The following PCCA variants were observed in gnomAD, a reference collection of about 807,000 sequenced individuals.
PCCA encodes propionyl-CoA carboxylase subunit alpha, also known as propionyl-CoA carboxylase alpha chain, mitochondrial.
PCCA carries 74 observed loss-of-function variants against 101.3 expected under a neutral mutation model. That is an observed-to-expected ratio of 0.73 (90% CI 0.61 to 0.89). PCCA has a LOEUF of 0.89. PCCA is among the 40% of genes least tolerant of loss of function. PCCA has a pLI of 0.00. For missense variants in PCCA, 891 were observed against 907.0 expected (o/e 0.98, Z 0.23); for synonymous variants, 294 against 313.6 (o/e 0.94, Z 0.66).
chr13:100,440,835 TGAAAG>T (rs1004843236), intron 20 of PCCA, among the ~76,000 whole-genome samples: 1 of 152,134 alleles, frequency 6.6e-6, no homozygotes, highest in Admixed American at 6.6e-5. Flanking sequence ...AAGTAGGAAA[TGAAAG>T]AGTAATTATT....
chr13:100,134,331 C>T (rs1057084065), intron 4 of PCCA, among the ~76,000 whole-genome samples: 4 of 152,066 alleles, frequency 2.6e-5, no homozygotes, highest in African/African-American at 7.2e-5. Context: ...TTCTTTTTCT[C>T]CCCCCATTTT....
intron 6 of PCCA, among the ~76,000 whole-genome samples, chr13:100,186,462 G>T (rs1566660862): frequency 6.6e-6 from 1 of 152,072 alleles, no homozygotes; most frequent in Non-Finnish European, 1.5e-5. Context: ...CAAAATAGGG[G>T]CCGGGCGTGG....
intron 4 of PCCA, chr13:100,149,839 A>G (rs574911187): frequency 2.6e-5 from 4 of 152,184 alleles, no homozygotes; most frequent in Non-Finnish European, 4.4e-5. Flanking sequence ...AAGGTATTCA[A>G]AATGTTTCAC....
intron 19 of PCCA, among the ~76,000 whole-genome samples, chr13:100,371,970 T>C (rs1351772616): frequency 2.6e-5 from 4 of 152,188 alleles, no homozygotes; most frequent in East Asian, 1.9e-4. Flanking sequence ...TTGGGTCCTT[T>C]TCTTACTCTG....
At chr13:100,127,999 G>A (rs546329474) in intron 4 of PCCA, among the ~76,000 whole-genome samples, 3 of 152,312 alleles carry the variant, frequency 2.0e-5, no homozygotes, top group African/African-American at 7.2e-5. Flanking sequence ...CCCTCATTCA[G>A]ACTCCTTAGT....
chr13:100,122,589 A>G (rs112841908), intron 4 of PCCA, among the ~76,000 whole-genome samples: 15,777 of 152,102 alleles, frequency 0.1, 893 homozygotes, highest in Middle Eastern at 0.17. Context: ...CATTTCATCA[A>G]AGTTTCTAGC....
intron 12 of PCCA, among the ~76,000 whole-genome samples, chr13:100,296,406 AT>A (rs1472934082): frequency 6.8e-6 from 1 of 147,604 alleles, no homozygotes; most frequent in Non-Finnish European, 1.5e-5. Context: ...TGCCTGGCTG[AT>A]TTTTTTGTAT....
chr13:100,354,563 A>C (rs2073754343), intron 18 of PCCA, among the ~76,000 whole-genome samples: 1 of 152,196 alleles, frequency 6.6e-6, no homozygotes, highest in Non-Finnish European at 1.5e-5. Flanking sequence ...CAATAAAAGC[A>C]AAATGTGTTT....
chr13:100,275,084 C>T (rs1408020157), intron 12 of PCCA, among the ~76,000 whole-genome samples: 2 of 151,990 alleles, frequency 1.3e-5, no homozygotes, highest in Non-Finnish European at 2.9e-5. Flanking sequence ...TGAGTCACTG[C>T]AGGCATGAGC....
chr13:100,417,582 C>T (rs1369625257), intron 19 of PCCA, among the ~76,000 whole-genome samples: 1 of 151,948 alleles, frequency 6.6e-6, no homozygotes, highest in African/African-American at 2.4e-5. Flanking sequence ...ATGCAGTGGC[C>T]GGGGTTTGGT....
intron 16 of PCCA, among the ~76,000 whole-genome samples, chr13:100,322,086 C>T (rs1222535836): frequency 6.6e-6 from 1 of 152,116 alleles, no homozygotes; most frequent in African/African-American, 2.4e-5. Context: ...CGTTTATTTA[C>T]CTCTCATGTA....
At chr13:100,120,178 T>C (rs916713226) in intron 4 of PCCA, among the ~76,000 whole-genome samples, 45 of 89,412 alleles carry the variant, frequency 5.0e-4, no homozygotes, top group African/African-American at 1.8e-3. Flanking sequence ...TTCAGATTAC[T>C]TTTTTTTTTT....
chr13:100,456,408 G>A (rs1026344960), intron 21 of PCCA, among the ~76,000 whole-genome samples: 2 of 152,132 alleles, frequency 1.3e-5, no homozygotes, highest in African/African-American at 4.8e-5. Context: ...GTGTTCTCCC[G>A]GTGTGCGGAG....
intron 8 of PCCA, among the ~76,000 whole-genome samples, chr13:100,241,400 C>T (rs1454297183): frequency 6.6e-6 from 1 of 152,132 alleles, no homozygotes. Flanking sequence ...TTTTAAGGTT[C>T]ATCCATGTTC....
At chr13:100,135,618 G>A (rs1427646696) in intron 4 of PCCA, among the ~76,000 whole-genome samples, 1 of 151,842 alleles carries the variant, frequency 6.6e-6, no homozygotes, top group Admixed American at 6.6e-5. Flanking sequence ...GAGACAGTTC[G>A]ATTTTTTTTT....
chr13:100,381,220 T>C (rs1401425736), intron 19 of PCCA, among the ~76,000 whole-genome samples: 2 of 152,130 alleles, frequency 1.3e-5, no homozygotes, highest in Non-Finnish European at 2.9e-5. Flanking sequence ...CCGTCTCTAC[T>C]AAAAATACAA....
At chr13:100,269,719 T>A (rs970023098) in intron 11 of PCCA, among the ~76,000 whole-genome samples, 1 of 152,210 alleles carries the variant, frequency 6.6e-6, no homozygotes, top group Non-Finnish European at 1.5e-5. Context: ...AGAGCTAGCA[T>A]ATCTTGATAT....
chr13:100,156,896 G>T (rs1422443341), intron 5 of PCCA, among the ~76,000 whole-genome samples: 1 of 152,184 alleles, frequency 6.6e-6, no homozygotes, highest in Non-Finnish European at 1.5e-5. Context: ...ATTCTTTGAT[G>T]CACCAGCCAT....
chr13:100,480,641 A>G (rs1389606315), intron 21 of PCCA, among the ~76,000 whole-genome samples: 1 of 152,178 alleles, frequency 6.6e-6, no homozygotes, highest in African/African-American at 2.4e-5. Flanking sequence ...CAGTGAAACT[A>G]GATTAAACCA....
Sources: gnomAD v4.1 joint callset for allele counts (sites outside exome capture counted in the v4.1 genomes callset) on GRCh38, gnomAD v4.1.1 for gene constraint, MANE v1.5 for transcripts, NCBI Gene and HGNC (gene_info 2026-07-23, HGNC 2026-07-21) for gene names.